Variants in KIRREL3 observed in about 807,000 individuals in gnomAD.
The protein encoded by KIRREL3 is kirre like nephrin family adhesion molecule 3.
A neutral mutation model predicts 89.7 loss-of-function variants in KIRREL3; 36 were observed. That is an observed-to-expected ratio of 0.40 (90% CI 0.31 to 0.53). The LOEUF (loss-of-function observed/expected upper bound fraction) is 0.53. Ranked by LOEUF, KIRREL3 falls within the 20% of genes least tolerant of loss-of-function variation. KIRREL3 has a pLI of 0.49. For missense variants in KIRREL3, 864 were observed against 1,056.6 expected, an observed-to-expected ratio of 0.82 and a Z score of 2.53; for synonymous variants, 445 against 441.4, an observed-to-expected ratio of 1.01 and a Z score of -0.10.
At chr11:126,945,337 G>A (rs952768837) in intron 1 of KIRREL3, among the ~76,000 whole-genome samples, 1 of 152,148 alleles carries the variant, frequency 6.6e-6, no homozygotes, top group Non-Finnish European at 1.5e-5. Context: ...CAGGCTGTGG[G>A]GGGCAGAGGT....
intron 1 of KIRREL3, among the ~76,000 whole-genome samples, chr11:126,933,357 C>T (rs1229624200): frequency 6.6e-6 from 1 of 151,844 alleles, no homozygotes; most frequent in African/African-American, 2.4e-5. Context: ...TCCCTGGTCC[C>T]TTCTGTCATT....
In KIRREL3 at chr11:126,761,413, G is replaced by T. The variant is rs551993421; in HGVS notation, c.56-198501C>A. On this transcript the variant is annotated intron_variant, in intron 1 of 16. Coordinates refer to ENST00000525144, the MANE Select transcript of KIRREL3 (RefSeq NM_032531.4). This position sits in a 1 kb window ranked among gnomAD's most constrained non-coding sequence, Gnocchi z 4.4. ...CTGCTTGTCCCCAGCAAAGGGCAGTGTCCAGAGTCCATTCTTCCTGCCTCA... is the reference window on the plus strand; with the variant it reads ...CTGCTTGTCCCCAGCAAAGGGCAGTTTCCAGAGTCCATTCTTCCTGCCTCA... Among the ~76,000 whole-genome samples the T allele has an allele frequency of 6.6e-6, 1 of 152,312 alleles. No individual in the cohort carries two copies. Among genetic ancestry groups the T allele is most frequent in the Non-Finnish European group, 1.5e-5 (1 of 68,028 alleles).
Position 126,795,350 on chromosome 11 carries a change from C to T in KIRREL3, c.55+205105G>A, listed in dbSNP as rs182865328. Among the ~76,000 whole-genome samples the T allele has an allele frequency of 4.6e-5, 7 of 152,188 alleles. No homozygotes were observed. The East Asian group carries it at 5.8e-4, about 13-fold the overall frequency. ...AGGGCAGAGGTTGGGAGGGAGAGGA[C>T]GTACATATAAATTTTATTTTATTTT... On this transcript the variant is annotated intron_variant, in intron 1 of 16. Coordinates refer to ENST00000525144, the MANE Select transcript of KIRREL3 (RefSeq NM_032531.4). The surrounding 1 kb of genome is among the most constrained non-coding windows in gnomAD (Gnocchi z 4.1).
In KIRREL3 at chr11:126,788,929, G is replaced by A. The variant is rs926369150; in HGVS notation, c.55+211526C>T. Among the ~76,000 whole-genome samples the A allele has an allele frequency of 2.0e-5, 3 of 152,168 alleles. No individual in the cohort carries two copies. The highest frequency in any genetic ancestry group is 7.2e-5 in the African/African-American group (3 of 41,430). ...GAGTGTCATGTATTAAGCATCTACT[G>A]GAGTGTGAGGCTGGGCACCTAGTCA... On this transcript the variant is annotated intron_variant, in intron 1 of 16. Coordinates refer to ENST00000525144, the MANE Select transcript of KIRREL3 (RefSeq NM_032531.4). This position sits in a 1 kb window ranked among gnomAD's most constrained non-coding sequence, Gnocchi z 4.1.
intron 1 of KIRREL3, among the ~76,000 whole-genome samples, chr11:126,743,415 C>T (rs1444666603): frequency 6.6e-6 from 1 of 152,198 alleles, no homozygotes; most frequent in Non-Finnish European, 1.5e-5. Flanking sequence ...TGACATGATA[C>T]TCAACAATAA....
In KIRREL3 at chr11:126,841,595, C is replaced by T. The variant is rs372711884; in HGVS notation, c.55+158860G>A. On this transcript the variant is annotated intron_variant, in intron 1 of 16. Coordinates refer to ENST00000525144, the MANE Select transcript of KIRREL3 (RefSeq NM_032531.4). ...TGTGCCCTCAAAGGCAGAGGTCCAT[C>T]TTATTGATCTTGTATCCCCAGGACC... Among the ~76,000 whole-genome samples, 184 of 152,356 alleles carry T rather than the reference C, an allele frequency of 1.2e-3. 3 individuals carry two copies. The South Asian group carries it at 0.036, about 30-fold the overall frequency.
In KIRREL3 at chr11:126,996,908, T is replaced by A. The variant is rs755697808; in HGVS notation, c.55+3547A>T. 6.6e-6 allele frequency among the ~76,000 whole-genome samples: 1 copy of A among 152,176 alleles called. No homozygotes were observed. Among genetic ancestry groups the A allele is most frequent in the Non-Finnish European group, 1.5e-5 (1 of 68,024 alleles). On this transcript the variant is annotated intron_variant, in intron 1 of 16. Transcript: ENST00000525144. The surrounding 1 kb of genome is among the most constrained non-coding windows in gnomAD (Gnocchi z 4.7). ...AATCACAAGGCAGGACAGGACGCTC[T>A]AGGAATGCCAGAGCAAAATGCCAGA...
Position 126,791,772 on chromosome 11 carries a change from A to C in KIRREL3, c.55+208683T>G, listed in dbSNP as rs1241098874. 6.6e-6 allele frequency among the ~76,000 whole-genome samples: 1 copy of C among 152,158 alleles called. No homozygotes were observed. Among genetic ancestry groups the C allele is most frequent in the Non-Finnish European group, 1.5e-5 (1 of 68,018 alleles). ...GACCTTGCCTTCTTTGATTTCTAGA[A>C]GACTTCCTTTGCTTGTAGACACCTT... On this transcript the variant is annotated intron_variant, in intron 1 of 16. Transcript: ENST00000525144. This position sits in a 1 kb window ranked among gnomAD's most constrained non-coding sequence, Gnocchi z 4.8.
chr11:126,584,377 A>G (rs1466647203), intron 1 of KIRREL3, among the ~76,000 whole-genome samples: 1 of 151,822 alleles, frequency 6.6e-6, no homozygotes, highest in Non-Finnish European at 1.5e-5. Flanking sequence ...TCTTCTGCCT[A>G]CTCCTGGAAC....
chr11:126,678,498 G>C lies in KIRREL3; in HGVS notation c.56-115586C>G, dbSNP rs1040033785. ...GCCTGTAGTCCCAGCTACTCAGAAG[G>C]CTGAGGCAGGAGAATGGCGTGAACC... On this transcript the variant is annotated intron_variant, in intron 1 of 16. Coordinates refer to ENST00000525144, the MANE Select transcript of KIRREL3 (RefSeq NM_032531.4). Among the ~76,000 whole-genome samples the C allele has an allele frequency of 2.0e-5, 3 of 149,788 alleles. No individual in the cohort carries two copies. The Admixed American group carries it at 2.0e-4, about 10-fold the overall frequency.
chr11:126,949,775 G>C (rs1201198633), intron 1 of KIRREL3, among the ~76,000 whole-genome samples: 1 of 152,190 alleles, frequency 6.6e-6, no homozygotes, highest in Non-Finnish European at 1.5e-5. Context: ...TTCTCCAAGA[G>C]AGAAGGGCTG....
chr11:126,632,134 A>G (rs1387293998), intron 1 of KIRREL3, among the ~76,000 whole-genome samples: 1 of 152,240 alleles, frequency 6.6e-6, no homozygotes, highest in Non-Finnish European at 1.5e-5. Flanking sequence ...AAGAATCTGA[A>G]TTTCCAATAA....
At position 126,668,721 on chromosome 11, in the gene KIRREL3, C is replaced by A. The variant is rs1348869565; in HGVS notation, c.56-105809G>T. On this transcript the variant is annotated intron_variant, in intron 1 of 16. Transcript: ENST00000525144. This position sits in a 1 kb window ranked among gnomAD's most constrained non-coding sequence, Gnocchi z 4.4. ...TCTTTCTTTCTTTCTTTCTTTCTTT[C>A]TTTCTTTCTTTCTTTCTTTCTTTCT... is the stretch of plus-strand genomic sequence containing the variant. Among the ~76,000 whole-genome samples the A allele has an allele frequency of 8.3e-6, 1 of 120,076 alleles. No individual in the cohort carries two copies. The highest frequency in any genetic ancestry group is 1.8e-5 in the Non-Finnish European group (1 of 54,774). 78.8% of individuals were successfully genotyped at this position (120,076 alleles called of 152,430 possible).
rs149818033 is a variant in KIRREL3 at position 126,968,946 on chromosome 11, C to T, written c.55+31509G>A. 1.7e-4 allele frequency among the ~76,000 whole-genome samples: 26 copies of T among 152,302 alleles called. No individual in the cohort carries two copies. In the East Asian group the frequency reaches 4.6e-3, roughly 27 times the overall value. On this transcript the variant is annotated intron_variant, in intron 1 of 16. Transcript: ENST00000525144. Reference sequence around the variant, plus strand: ...TAAAAAACGGGGCATGACTGGACAACCTCTGAGGTCCCTTCGACTCTCCAG... The same window carrying T: ...TAAAAAACGGGGCATGACTGGACAATCTCTGAGGTCCCTTCGACTCTCCAG...
At chr11:126,693,582 T>C (rs1946964965) in intron 1 of KIRREL3, among the ~76,000 whole-genome samples, 1 of 148,990 alleles carries the variant, frequency 6.7e-6, no homozygotes, top group South Asian at 2.2e-4. Context: ...TACATCTGTA[T>C]GCACATGCAT....
intron 1 of KIRREL3, among the ~76,000 whole-genome samples, chr11:126,720,652 A>G (rs935661412): frequency 2.0e-5 from 3 of 152,240 alleles, no homozygotes; most frequent in African/African-American, 7.2e-5. Flanking sequence ...CACTCTTGAG[A>G]GCGAATGAGA....
At position 126,818,134 on chromosome 11, in the gene KIRREL3, G is replaced by C. The variant is rs1230673508; in HGVS notation, c.55+182321C>G. Reference sequence around the variant, plus strand: ...GCATCTGTCAAAGATCAGGTTGTAAGGTGAGTCTAAGTGTCTAGGGCCATG... The same window carrying C: ...GCATCTGTCAAAGATCAGGTTGTAACGTGAGTCTAAGTGTCTAGGGCCATG... On this transcript the variant is annotated intron_variant, in intron 1 of 16. Coordinates refer to ENST00000525144, the MANE Select transcript of KIRREL3 (RefSeq NM_032531.4). Among the ~76,000 whole-genome samples the C allele has an allele frequency of 2.6e-5, 4 of 152,218 alleles. No homozygotes were observed. The East Asian group carries it at 7.7e-4, about 29-fold the overall frequency.
chr11:126,828,861 T>C (rs576968322), intron 1 of KIRREL3, among the ~76,000 whole-genome samples: 13 of 152,028 alleles, frequency 8.6e-5, no homozygotes, highest in Admixed American at 4.6e-4. Context: ...CCCCTGAAAG[T>C]GGTGGTGGTA....
Position 126,909,659 on chromosome 11 carries a change from C to T in KIRREL3, c.55+90796G>A, listed in dbSNP as rs993819636. On this transcript the variant is annotated intron_variant, in intron 1 of 16. Transcript: ENST00000525144. This position sits in a 1 kb window ranked among gnomAD's most constrained non-coding sequence, Gnocchi z 4.5. ...GCCAGGAGTCTCTTGGGAAGCCTAC[C>T]AAAGAAGGGAGAAATGTCCTTTGCT... 6.6e-6 allele frequency among the ~76,000 whole-genome samples: 1 copy of T among 152,104 alleles called. No homozygotes were observed. The highest frequency in any genetic ancestry group is 1.5e-5 in the Non-Finnish European group (1 of 68,016).
Sources: allele counts gnomAD v4.1 joint callset (sites outside exome capture counted in the v4.1 genomes callset), GRCh38; gene constraint gnomAD v4.1.1; non-coding constraint Gnocchi (gnomAD v3.1); transcripts MANE v1.5; gene names NCBI Gene and HGNC (gene_info 2026-07-23, HGNC 2026-07-21).